CSMD1: variants seen among roughly 807,000 people sequenced by gnomAD.
The protein encoded by CSMD1 is CUB and Sushi multiple domains 1.
Under a neutral mutation model 417.5 loss-of-function variants are expected in CSMD1, and 213 were observed. That is an observed-to-expected ratio of 0.51 (90% CI 0.46 to 0.57). The LOEUF is 0.57. Among genes scored for constraint, CSMD1 ranks in the 20% least tolerant of loss-of-function variants. The probability of loss-of-function intolerance (pLI) is 0.00; values close to 1 mark genes in which losing one functional copy is unlikely to be tolerated. For synonymous variants in CSMD1, 2,862 were observed against 1,736.8 expected, an observed-to-expected ratio of 1.65 and a Z score of -16.11; for missense variants, 6,923 against 4,529.7, an observed-to-expected ratio of 1.53 and a Z score of -15.17.
chr8:3,350,569 G>C (rs1808351857), intron 21 of CSMD1, among the ~76,000 whole-genome samples: 1 of 152,050 alleles, frequency 6.6e-6, no homozygotes, highest in South Asian at 2.1e-4. Context: ...TCACACTACT[G>C]TTCATAATTA....
chr8:2,939,880 G>A (rs1289844868), intron 69 of CSMD1, among the ~76,000 whole-genome samples: 1 of 152,188 alleles, frequency 6.6e-6, no homozygotes, highest in Non-Finnish European at 1.5e-5. Flanking sequence ...TGGCTAAAAT[G>A]TTCACTCAAT....
At chr8:3,691,810 T>G (rs7836958) in intron 7 of CSMD1, among the ~76,000 whole-genome samples, 44,605 of 152,056 alleles carry the variant, frequency 0.29, 7,401 homozygotes, top group South Asian at 0.41. Flanking sequence ...AGAGGCAGTT[T>G]CAGTGATCTA....
Position 4,174,572 on chromosome 8 carries a change from A to C in CSMD1, c.416-142473T>G, listed in dbSNP as rs75125738. 3.2e-4 allele frequency among the ~76,000 whole-genome samples: 48 copies of C among 150,064 alleles called. 1 individual carries two copies. The East Asian group carries it at 5.3e-3, about 17-fold the overall frequency. ...AGATGTTTTTATAAATACTGCATGC[A>C]CTCTGGCTGGGATACACAATGTCTG... On this transcript the variant is annotated intron_variant, in intron 3 of 69. Coordinates refer to ENST00000635120, the MANE Select transcript of CSMD1 (RefSeq NM_033225.6).
intron 5 of CSMD1, among the ~76,000 whole-genome samples, chr8:3,867,298 T>A (rs2129109513): frequency 6.6e-6 from 1 of 152,262 alleles, no homozygotes; most frequent in South Asian, 2.1e-4. Context: ...AGGAAAACCA[T>A]GACCAGTCTA....
At chr8:4,940,637 T>A (rs1463517456) in intron 1 of CSMD1, among the ~76,000 whole-genome samples, 1 of 152,204 alleles carries the variant, frequency 6.6e-6, no homozygotes, top group Non-Finnish European at 1.5e-5. Flanking sequence ...CACTTAGGCA[T>A]TAGAGGTTCT....
chr8:3,729,136 T>G (rs1802667756), intron 6 of CSMD1, among the ~76,000 whole-genome samples: 2 of 152,260 alleles, frequency 1.3e-5, no homozygotes, highest in East Asian at 1.9e-4. Flanking sequence ...TTCAGAAAAC[T>G]CACTTGTGGA....
At chr8:3,108,858 G>A (rs1347951021) in intron 43 of CSMD1, 110 bp from the exon 44 acceptor site, 3 of 1,046,566 alleles carry the variant, frequency 2.9e-6, no homozygotes, top group Non-Finnish European at 4.1e-6. Flanking sequence ...TAAAACATAT[G>A]CATTCTCAGG....
At chr8:4,133,689 T>A (rs1007828378) in intron 3 of CSMD1, among the ~76,000 whole-genome samples, 1 of 135,154 alleles carries the variant, frequency 7.4e-6, no homozygotes, top group Non-Finnish European at 1.6e-5. Flanking sequence ...CAAACATTTT[T>A]ACACCATAAT....
At position 4,265,507 on chromosome 8, in the gene CSMD1, A is replaced by G. The variant is rs1804184445; in HGVS notation, c.415+154446T>C. Among the ~76,000 whole-genome samples the G allele has an allele frequency of 1.9e-5, 2 of 105,152 alleles. 1 individual carries two copies. Among genetic ancestry groups the G allele is most frequent in the South Asian group, 7.4e-4 (2 of 2,700 alleles). The allele number at this position is 105,152 out of a possible 152,430, so 69.0% of individuals were successfully genotyped here. ...TATTGGAACCTGTTTCAAAAATAGC[A>G]AAATTTAATAGTACAATTTAAAAAT... On this transcript the variant is annotated intron_variant, in intron 3 of 69. Transcript: ENST00000635120.
chr8:3,767,703 G>A (rs1470195237), intron 5 of CSMD1, among the ~76,000 whole-genome samples: 4 of 152,134 alleles, frequency 2.6e-5, no homozygotes, highest in South Asian at 2.1e-4. Context: ...ATTATACAGT[G>A]TATGTCTACA....
At chr8:3,446,283 T>A (rs565089307) in intron 12 of CSMD1, among the ~76,000 whole-genome samples, 2 of 152,228 alleles carry the variant, frequency 1.3e-5, no homozygotes, top group Admixed American at 1.3e-4. Flanking sequence ...GCATGGGCTA[T>A]TGTAAAATTA....
chr8:3,401,042 C>T (rs1427115105), intron 15 of CSMD1, among the ~76,000 whole-genome samples: 3 of 151,644 alleles, frequency 2.0e-5, no homozygotes, highest in African/African-American at 4.8e-5. Flanking sequence ...TATCGATATA[C>T]ATAATTATAT....
At position 4,161,581 on chromosome 8, in the gene CSMD1, G is replaced by C. The variant is rs571860250; in HGVS notation, c.416-129482C>G. 3.3e-5 allele frequency among the ~76,000 whole-genome samples: 5 copies of C among 152,280 alleles called. No individual in the cohort carries two copies. In the East Asian group the frequency reaches 5.8e-4, roughly 18 times the overall value. On this transcript the variant is annotated intron_variant, in intron 3 of 69. Coordinates refer to ENST00000635120, the MANE Select transcript of CSMD1 (RefSeq NM_033225.6). The stretch of plus-strand genomic sequence containing the variant: ...CATTGTTTTGGACAGAGTTCATCAA[G>C]CGGTACATTTTGATCTATACCTGTT...
intron 2 of CSMD1, among the ~76,000 whole-genome samples, chr8:4,549,896 C>CAAAAAAA (rs777040766): frequency 2.1e-4 from 19 of 88,618 alleles, no homozygotes; most frequent in East Asian, 3.8e-4. Context: ...GACTTTGTCT[C>CAAAAAAA]AAAAAAAAAA....
intron 5 of CSMD1, among the ~76,000 whole-genome samples, chr8:3,963,595 T>G (rs1183368929): frequency 6.6e-6 from 1 of 152,188 alleles, no homozygotes; most frequent in Non-Finnish European, 1.5e-5. Context: ...AAACAAAAAA[T>G]AAAGTTTAAA....
At position 3,445,049 on chromosome 8, in the gene CSMD1, G is replaced by C. The variant is rs539576198; in HGVS notation, c.1561+23663C>G. 5.4e-4 allele frequency among the ~76,000 whole-genome samples: 82 copies of C among 152,270 alleles called. No homozygotes were observed. In the South Asian group the frequency reaches 8.7e-3, roughly 16 times the overall value. On this transcript the variant is annotated intron_variant, in intron 12 of 69. Transcript: ENST00000635120. ...CAGAAACTTTCTTAAACACTCTGGA[G>C]ATGCAATCGGCAAAATGTCTACTAT...
chr8:4,208,725 A>G (rs962129700), intron 3 of CSMD1, among the ~76,000 whole-genome samples: 2 of 152,234 alleles, frequency 1.3e-5, no homozygotes, highest in African/African-American at 2.4e-5. Flanking sequence ...TTAAGGCAAT[A>G]AAAAGCATGG....
At chr8:3,102,402 T>C (rs893531756) in intron 46 of CSMD1, among the ~76,000 whole-genome samples, 2 of 152,198 alleles carry the variant, frequency 1.3e-5, no homozygotes, top group African/African-American at 4.8e-5. Context: ...AACTAGGTTA[T>C]CCTGTTCGCC....
At chr8:4,399,113 G>A (rs1404969568) in intron 3 of CSMD1, among the ~76,000 whole-genome samples, 1 of 152,170 alleles carries the variant, frequency 6.6e-6, no homozygotes, top group Non-Finnish European at 1.5e-5. Flanking sequence ...AGAGCTTTAA[G>A]AGTTTTGTGT....
Sources: allele counts gnomAD v4.1 joint callset (sites outside exome capture counted in the v4.1 genomes callset), GRCh38; gene constraint gnomAD v4.1.1; transcripts MANE v1.5; gene names NCBI Gene and HGNC (gene_info 2026-07-23, HGNC 2026-07-21).